Variants in SIPA1L2 observed in about 807,000 individuals in gnomAD.
SIPA1L2 encodes the protein signal-induced proliferation-associated 1-like protein 2.
In SIPA1L2, 56 loss-of-function variants were observed where a neutral mutation model predicts 163.9. That is an observed-to-expected ratio of 0.34 (90% CI 0.28 to 0.43). The LOEUF (loss-of-function observed/expected upper bound fraction) is 0.43, where lower values mean the gene tolerates loss of function less well. Ranked by LOEUF, SIPA1L2 falls within the 20% of genes least tolerant of loss-of-function variation. SIPA1L2 has a pLI of 1.00. For missense variants in SIPA1L2, 1,974 were observed against 2,193.5 expected, an observed-to-expected ratio of 0.90 and a Z score of 2.00; for synonymous variants, 877 against 865.7, an observed-to-expected ratio of 1.01 and a Z score of -0.23.
At chr1:232,501,616 G>A (rs1666485284) in intron 3 of SIPA1L2, among the ~76,000 whole-genome samples, 1 of 152,160 alleles carries the variant, frequency 6.6e-6, no homozygotes, top group African/African-American at 2.4e-5. Context: ...CCCTTTGCTG[G>A]GCCTGTTGTT....
At position 232,398,479 on chromosome 1, in the gene SIPA1L2, A is replaced by G. The variant is rs1184353585; in HGVS notation, c.*648T>C. The G allele has an allele frequency of 6.6e-6, 1 of 152,394 alleles. No individual in the cohort carries two copies. The highest frequency in any genetic ancestry group is 6.6e-5 in the Admixed American group (1 of 15,248). 9.4% of individuals were successfully genotyped at this position (152,394 alleles called of 1,614,324 possible). ...TGTTTTTAATCAGAACACTGTTAAT[A>G]TTCAGGCACCATTTGTTCCTGCAAA... On this transcript the variant is annotated 3_prime_UTR_variant, in exon 23 of 23. Transcript: ENST00000674635.
intron 17 of SIPA1L2, among the ~76,000 whole-genome samples, chr1:232,427,883 T>C (rs2102819243): frequency 1.3e-5 from 2 of 152,306 alleles, no homozygotes; most frequent in Middle Eastern, 3.4e-3. Context: ...TCCAGTTCAG[T>C]TCTGGAACAG....
At chr1:232,418,375 TAG>T (rs1558159746) in intron 18 of SIPA1L2, among the ~76,000 whole-genome samples, 1 of 152,176 alleles carries the variant, frequency 6.6e-6, no homozygotes, top group African/African-American at 2.4e-5. Context: ...CAGTACTCAA[TAG>T]AGTGGTTTCC....
intron 2 of SIPA1L2, among the ~76,000 whole-genome samples, chr1:232,532,866 T>C (rs1044990765): frequency 6.6e-6 from 1 of 152,218 alleles, no homozygotes; most frequent in Non-Finnish European, 1.5e-5. Context: ...CTACCTCTAC[T>C]GCAGGAGAAA....
chr1:232,625,155 A>T (rs1663007579), intron 1 of SIPA1L2, among the ~76,000 whole-genome samples: 1 of 152,222 alleles, frequency 6.6e-6, no homozygotes, highest in Non-Finnish European at 1.5e-5. Flanking sequence ...CCATGTGGAA[A>T]GGTGGAGCTA....
At chr1:232,496,162 C>A (rs927515521) in intron 3 of SIPA1L2, among the ~76,000 whole-genome samples, 2 of 152,174 alleles carry the variant, frequency 1.3e-5, no homozygotes, top group East Asian at 3.9e-4. Context: ...ATGGTAAGTG[C>A]CCTATACAGG....
intron 2 of SIPA1L2, among the ~76,000 whole-genome samples, chr1:232,543,429 C>T (rs1220376196): frequency 6.6e-6 from 1 of 151,956 alleles, no homozygotes; most frequent in East Asian, 1.9e-4. Flanking sequence ...CCTTTTCCAC[C>T]TCTGTCACCC....
intron 3 of SIPA1L2, among the ~76,000 whole-genome samples, chr1:232,503,141 C>T (rs1666562993): frequency 6.6e-6 from 1 of 152,110 alleles, no homozygotes; most frequent in African/African-American, 2.4e-5. Flanking sequence ...AAATGAAATC[C>T]TTCCTTGGCA....
At chr1:232,409,086 C>T (rs907020259) in intron 19 of SIPA1L2, among the ~76,000 whole-genome samples, 6 of 152,176 alleles carry the variant, frequency 3.9e-5, no homozygotes, top group African/African-American at 1.2e-4. Context: ...ATTCTTATCC[C>T]TATTTTTGAA....
At chr1:232,626,101 T>A (rs79432353) in intron 1 of SIPA1L2, among the ~76,000 whole-genome samples, 1,630 of 152,298 alleles carry the variant, frequency 0.011, 37 homozygotes, top group African/African-American at 0.038. Context: ...CCACCTTTTC[T>A]CTTTTTTGGT....
At chr1:232,535,617 C>T (rs1380490109) in intron 2 of SIPA1L2, among the ~76,000 whole-genome samples, 2 of 152,170 alleles carry the variant, frequency 1.3e-5, no homozygotes, top group Non-Finnish European at 2.9e-5. Context: ...ATATTAATTG[C>T]TACACATCTA....
At chr1:232,442,502 C>T (rs1400746639) in intron 12 of SIPA1L2, among the ~76,000 whole-genome samples, 1 of 146,710 alleles carries the variant, frequency 6.8e-6, no homozygotes, top group African/African-American at 2.5e-5. Context: ...GAGCCAAGAT[C>T]ATGCCATTGC....
chr1:232,563,737 C>T (rs905747981), intron 2 of SIPA1L2, among the ~76,000 whole-genome samples: 5 of 152,216 alleles, frequency 3.3e-5, no homozygotes, highest in East Asian at 1.9e-4. Context: ...TGTTTTATGA[C>T]GGAGTCTCGC....
At chr1:232,501,073 T>TTTTTTTTTTTC (rs71173222) in intron 3 of SIPA1L2, among the ~76,000 whole-genome samples, 2 of 136,002 alleles carry the variant, frequency 1.5e-5, no homozygotes, top group African/African-American at 2.9e-5. Context: ...TTTTTTTTTT[T>TTTTTTTTTTTC]GTGAGACAGA....
intron 15 of SIPA1L2, among the ~76,000 whole-genome samples, chr1:232,436,578 G>A (rs1662574706): frequency 1.3e-5 from 2 of 152,198 alleles, no homozygotes; most frequent in Non-Finnish European, 2.9e-5. Flanking sequence ...TGCCTGAACT[G>A]GGACAGGAGA....
At chr1:232,480,282 CA>C (rs967837951) in intron 6 of SIPA1L2, among the ~76,000 whole-genome samples, 3 of 151,514 alleles carry the variant, frequency 2.0e-5, no homozygotes, top group Non-Finnish European at 2.9e-5. Context: ...GAAATGAGAA[CA>C]AAAAATGTTA....
At chr1:232,434,472 G>A (rs1364638588) in intron 15 of SIPA1L2, among the ~76,000 whole-genome samples, 1 of 152,122 alleles carries the variant, frequency 6.6e-6, no homozygotes, top group Non-Finnish European at 1.5e-5. Context: ...GGTGCTAACT[G>A]TGGGTCTCGG....
At chr1:232,568,004 T>C (rs1659500723) in intron 2 of SIPA1L2, among the ~76,000 whole-genome samples, 1 of 152,196 alleles carries the variant, frequency 6.6e-6, no homozygotes, top group African/African-American at 2.4e-5. Context: ...TCCTGGAAGG[T>C]GGTATGACTG....
intron 2 of SIPA1L2, among the ~76,000 whole-genome samples, chr1:232,562,515 C>T (rs1417756348): frequency 6.6e-6 from 1 of 152,028 alleles, no homozygotes; most frequent in African/African-American, 2.4e-5. Context: ...TAAATAATAC[C>T]CAATCTATTA....
Sources: gnomAD v4.1 joint callset for allele counts (sites outside exome capture counted in the v4.1 genomes callset) on GRCh38, gnomAD v4.1.1 for gene constraint, MANE v1.5 for transcripts, NCBI Gene and HGNC (gene_info 2026-07-23, HGNC 2026-07-21) for gene names.